CBL: variants seen among roughly 807,000 people sequenced by gnomAD.
CBL encodes the protein E3 ubiquitin-protein ligase CBL.
Under a neutral mutation model 96.9 loss-of-function variants are expected in CBL, and 45 were observed. The ratio of observed to expected loss-of-function variants is 0.46; its 90% confidence interval spans 0.37 to 0.60. The LOEUF (loss-of-function observed/expected upper bound fraction) is 0.60. CBL is among the 20% of genes least tolerant of loss of function. The pLI is 0.00. For missense variants in CBL, 1,024 were observed against 1,143.5 expected (o/e 0.90, Z 1.51); for synonymous variants, 420 against 426.8 (o/e 0.98, Z 0.20).
At chr11:119,298,860 T>G (rs1464344952) in intron 15 of CBL, among the ~76,000 whole-genome samples, 1 of 152,224 alleles carries the variant, frequency 6.6e-6, no homozygotes, top group African/African-American at 2.4e-5. Flanking sequence ...TCCTTTTTCC[T>G]GGGCTCTGTT....
At chr11:119,218,426 T>G (rs1292359757) in intron 1 of CBL, among the ~76,000 whole-genome samples, 1 of 152,228 alleles carries the variant, frequency 6.6e-6, no homozygotes, top group Non-Finnish European at 1.5e-5. Context: ...ACTAAAACAT[T>G]TACAGTAGTC....
At chr11:119,249,125 C>T (rs1389061386) in intron 2 of CBL, among the ~76,000 whole-genome samples, 4 of 152,156 alleles carry the variant, frequency 2.6e-5, no homozygotes, top group Admixed American at 2.0e-4. Context: ...AGGACTTGAA[C>T]AGATATTTGT....
chr11:119,305,864 A>G lies in CBL; in HGVS notation c.*6083A>G, dbSNP rs1459598759. ...TAAGGTATTTCATACTGCCTTACTT[A>G]AAAGTTTTTTAAACTACTAGAGTCA... On this transcript the variant is annotated 3_prime_UTR_variant, in exon 16 of 16. Coordinates refer to ENST00000264033, the MANE Select transcript of CBL (RefSeq NM_005188.4). The G allele has an allele frequency of 8.4e-6, 2 of 238,128 alleles. No homozygotes were observed. The highest frequency in any genetic ancestry group is 4.4e-5 in the African/African-American group (2 of 45,454). 14.8% of individuals were successfully genotyped at this position (238,128 alleles called of 1,614,324 possible). A position where few individuals can be genotyped will look rare whatever the true frequency, so the allele number is the denominator to read the frequency against.
chr11:119,270,735 C>T (rs945422695), intron 2 of CBL, among the ~76,000 whole-genome samples: 7 of 151,986 alleles, frequency 4.6e-5, no homozygotes, highest in African/African-American at 1.7e-4. Flanking sequence ...CGTGAGCCAC[C>T]GCGCCCGGCC....
At chr11:119,270,148 C>T (rs1336793069) in intron 2 of CBL, among the ~76,000 whole-genome samples, 1 of 151,210 alleles carries the variant, frequency 6.6e-6, no homozygotes, top group Admixed American at 6.6e-5. Context: ...GTTTCTGTGG[C>T]AATAGCATTA....
intron 2 of CBL, among the ~76,000 whole-genome samples, chr11:119,255,210 A>G (rs1949702357): frequency 6.6e-6 from 1 of 152,080 alleles, no homozygotes; most frequent in African/African-American, 2.4e-5. Flanking sequence ...TGGTACCTAG[A>G]GACTGTGTGG....
chr11:119,303,218 C>T lies in CBL; in HGVS notation c.*3437C>T, dbSNP rs774175986. ...AGCAATGGTGATAAAGCAGAATATT[C>T]TCCTACCTCACGTCATTAAAGTCAG... On this transcript the variant is annotated 3_prime_UTR_variant, in exon 16 of 16. Transcript: ENST00000264033. 19 of 231,754 alleles carry T rather than the reference C, an allele frequency of 8.2e-5. No homozygotes were observed. The highest frequency in any genetic ancestry group is 1.3e-3 in the Middle Eastern group (1 of 768). 14.4% of individuals were successfully genotyped at this position (231,754 alleles called of 1,614,324 possible).
rs1266466520 is a variant in CBL, at chr11:119,306,752, C to T, written c.*6971C>T. 4.1e-6 allele frequency: 1 copy of T among 241,644 alleles called. No individual in the cohort carries two copies. The highest frequency in any genetic ancestry group is 8.1e-6 in the Non-Finnish European group (1 of 123,958). The allele number at this position is 241,644 out of a possible 1,614,324, so 15.0% of individuals were successfully genotyped here. A position where few individuals can be genotyped will look rare whatever the true frequency, so the allele number is the denominator to read the frequency against. On this transcript the variant is annotated 3_prime_UTR_variant, in exon 16 of 16. Transcript: ENST00000264033. ...CCCATGAGAGTAAATGCCTCCTGAC[C>T]TACCCTGCTCAGCACTGTTCTAGTG...
intron 12 of CBL, among the ~76,000 whole-genome samples, chr11:119,290,669 T>C (rs545036058): frequency 4.7e-5 from 7 of 150,144 alleles, no homozygotes; most frequent in Non-Finnish European, 8.9e-5. Context: ...ATTTTTGTTT[T>C]GTTTTGTTTA....
chr11:119,227,837 A>G (rs370028058), intron 1 of CBL, among the ~76,000 whole-genome samples: 2 of 152,184 alleles, frequency 1.3e-5, no homozygotes, highest in Admixed American at 6.5e-5. Context: ...GGCGTGAGCC[A>G]CCGCGCCCCG....
At chr11:119,209,617 A>G (rs1428454981) in intron 1 of CBL, among the ~76,000 whole-genome samples, 1 of 139,562 alleles carries the variant, frequency 7.2e-6, no homozygotes, top group Non-Finnish European at 1.5e-5. Context: ...ACTCCGTCTC[A>G]AAAAAAAAAA....
intron 1 of CBL, among the ~76,000 whole-genome samples, chr11:119,226,539 C>T (rs59748250): frequency 6.6e-6 from 1 of 151,812 alleles, no homozygotes; most frequent in African/African-American, 2.4e-5. Context: ...CTCACTGCAA[C>T]CTCCTCCTTC....
chr11:119,227,568 A>G (rs1273396889), intron 1 of CBL, among the ~76,000 whole-genome samples: 1 of 129,942 alleles, frequency 7.7e-6, no homozygotes, highest in African/African-American at 2.9e-5. Context: ...TTTTTTTTTT[A>G]TGACGGAGTT....
chr11:119,299,472 AT>A, intron 15 of CBL, 22 bp from the exon 16 acceptor site: 1 of 1,610,904 alleles, frequency 6.2e-7, no homozygotes. Flanking sequence ...ATTTGCAAAT[AT>A]TTTCTTTCCT....
intron 6 of CBL, among the ~76,000 whole-genome samples, chr11:119,277,107 C>T (rs536383263): frequency 1.6e-4 from 24 of 152,116 alleles, no homozygotes; most frequent in South Asian, 1.2e-3. Flanking sequence ...GTTAGCCGGA[C>T]GTGGTGGTGG....
intron 2 of CBL, among the ~76,000 whole-genome samples, chr11:119,249,469 C>T (rs190952709): frequency 1.3e-4 from 19 of 150,708 alleles, no homozygotes; most frequent in African/African-American, 2.7e-4. Context: ...GCAGGAGAAC[C>T]GCTTGAACCC....
chr11:119,217,302 G>GTAATTTTGTATTTTTA (rs1208372186), intron 1 of CBL, among the ~76,000 whole-genome samples: 1 of 152,034 alleles, frequency 6.6e-6, no homozygotes, highest in East Asian at 1.9e-4. Context: ...TTTAGTAGAC[G>GTAATTTTGTATTTTTA]GGGTTTCTCC....
chr11:119,282,135 C>A (rs1416845784), intron 9 of CBL, among the ~76,000 whole-genome samples: 1 of 145,038 alleles, frequency 6.9e-6, no homozygotes, highest in Non-Finnish European at 1.5e-5. Context: ...ATCAGAAGTT[C>A]CATACCAGCC....
chr11:119,303,648 T>C lies in CBL; in HGVS notation c.*3867T>C, dbSNP rs562064624. 6 of 233,784 alleles carry C rather than the reference T, an allele frequency of 2.6e-5. No homozygotes were observed. In the South Asian group the frequency reaches 1.1e-3, roughly 42 times the overall value. The allele number at this position is 233,784 out of a possible 1,614,324, so 14.5% of individuals were successfully genotyped here. Reference sequence around the variant, plus strand: ...CTGTTGTCTCCTGTAGCTTTGATAATGCCTGGGAGATTCCTTGGTGTAAGT... The same window carrying C: ...CTGTTGTCTCCTGTAGCTTTGATAACGCCTGGGAGATTCCTTGGTGTAAGT... On this transcript the variant is annotated 3_prime_UTR_variant, in exon 16 of 16. Coordinates refer to ENST00000264033, the MANE Select transcript of CBL (RefSeq NM_005188.4).
Sources: allele counts gnomAD v4.1 joint callset (sites outside exome capture counted in the v4.1 genomes callset), GRCh38; gene constraint gnomAD v4.1.1; transcripts MANE v1.5; gene names NCBI Gene and HGNC (gene_info 2026-07-23, HGNC 2026-07-21).